The following FAM107B variants were observed in gnomAD, a reference collection of about 807,000 sequenced individuals.
FAM107B encodes protein FAM107B.
FAM107B carries 21 observed loss-of-function variants against 31.5 expected under a neutral mutation model. The observed-to-expected ratio is 0.67, with a 90% CI of 0.47 to 0.96. The LOEUF is 0.96. FAM107B is among the 40% of genes least tolerant of loss of function. The pLI is 0.00. For missense variants in FAM107B, 452 were observed against 377.1 expected (o/e 1.20, Z -1.64); for synonymous variants, 157 against 141.5 (o/e 1.11, Z -0.78).
chr10:14,748,685 C>G (rs1832772148), intron 1 of FAM107B, among the ~76,000 whole-genome samples: 1 of 152,248 alleles, frequency 6.6e-6, no homozygotes, highest in Non-Finnish European at 1.5e-5. Flanking sequence ...AAAGTTGCAG[C>G]AGAGCGGTCA....
intron 1 of FAM107B, among the ~76,000 whole-genome samples, chr10:14,710,543 C>T (rs926482030): frequency 1.3e-5 from 2 of 151,610 alleles, no homozygotes; most frequent in East Asian, 3.9e-4. Flanking sequence ...TTATTTATTG[C>T]ATAATGACAT....
intron 2 of FAM107B, among the ~76,000 whole-genome samples, chr10:14,549,202 G>A (rs1849025786): frequency 6.6e-6 from 1 of 152,182 alleles, no homozygotes; most frequent in Non-Finnish European, 1.5e-5. Flanking sequence ...TGTGGCATCT[G>A]TTATGGCAGC....
At chr10:14,672,567 A>G (rs1181311966) in intron 1 of FAM107B, among the ~76,000 whole-genome samples, 2 of 152,232 alleles carry the variant, frequency 1.3e-5, no homozygotes, top group African/African-American at 2.4e-5. Flanking sequence ...GTAAAAAGAT[A>G]GTTTATAACC....
intron 3 of FAM107B, 47 bp downstream of exon 3, chr10:14,530,285 C>T: frequency 3.9e-6 from 6 of 1,546,446 alleles, no homozygotes; most frequent in Non-Finnish European, 4.4e-6. Flanking sequence ...ATATCATGAT[C>T]TTAAAAGTCC....
rs747126239 is a variant in FAM107B at position 14,530,329 on chromosome 10, T to C, written c.653+3A>G. On this transcript the variant is annotated splice_donor_region_variant and intron_variant, in intron 3 of 4. Transcript: ENST00000181796. ...AAAAAATATGCTCAAGAAACCATTT[T>C]ACCTTTTTTGATTCATAAGAAGTTC... 3.1e-6 allele frequency: 5 copies of C among 1,602,360 alleles called. No individual in the cohort carries two copies. In the South Asian group the frequency reaches 4.6e-5, roughly 15 times the overall value.
intron 1 of FAM107B, among the ~76,000 whole-genome samples, chr10:14,699,281 G>A (rs921755389): frequency 1.6e-4 from 24 of 152,158 alleles, no homozygotes; most frequent in Admixed American, 6.5e-4. Flanking sequence ...TATAGATGTG[G>A]AGAAGGAGAT....
intron 2 of FAM107B, among the ~76,000 whole-genome samples, chr10:14,596,760 C>T (rs1013328782): frequency 1.1e-4 from 16 of 152,132 alleles, no homozygotes; most frequent in African/African-American, 3.6e-4. Context: ...GCACACCCGA[C>T]GCCCTGCCTC....
chr10:14,548,277 G>A (rs2131037047), intron 2 of FAM107B, among the ~76,000 whole-genome samples: 1 of 152,244 alleles, frequency 6.6e-6, no homozygotes, highest in East Asian at 1.9e-4. Context: ...GCACCCGAGG[G>A]TCAACAACTG....
intron 1 of FAM107B, among the ~76,000 whole-genome samples, chr10:14,750,494 C>T (rs1330413473): frequency 6.6e-6 from 1 of 152,138 alleles, no homozygotes; most frequent in African/African-American, 2.4e-5. Context: ...CACCTGTAAT[C>T]CCAGCTACTC....
At chr10:14,679,711 G>A (rs569482082) in intron 1 of FAM107B, among the ~76,000 whole-genome samples, 6 of 152,268 alleles carry the variant, frequency 3.9e-5, no homozygotes, top group East Asian at 1.9e-4. Context: ...GTATTGTCCC[G>A]GGGTGTGTCT....
At chr10:14,627,720 C>T (rs1390563608) in intron 2 of FAM107B, among the ~76,000 whole-genome samples, 3 of 152,024 alleles carry the variant, frequency 2.0e-5, no homozygotes, top group South Asian at 2.1e-4. Context: ...CTGCAGTGAG[C>T]GAGGATCACA....
intron 2 of FAM107B, among the ~76,000 whole-genome samples, chr10:14,564,835 G>T (rs1488444174): frequency 6.6e-6 from 1 of 152,174 alleles, no homozygotes; most frequent in Non-Finnish European, 1.5e-5. Context: ...AATATCTCAA[G>T]AACAGGAATC....
At chr10:14,674,858 C>G (rs1854643780) in intron 1 of FAM107B, among the ~76,000 whole-genome samples, 1 of 152,160 alleles carries the variant, frequency 6.6e-6, no homozygotes, top group South Asian at 2.1e-4. Flanking sequence ...CCTCAGCCTC[C>G]TGAGAAGCTG....
At chr10:14,641,074 T>G (rs1243184784) in intron 2 of FAM107B, among the ~76,000 whole-genome samples, 1 of 152,202 alleles carries the variant, frequency 6.6e-6, no homozygotes, top group Non-Finnish European at 1.5e-5. Context: ...AGAGATTACT[T>G]TAGCAGCTTT....
At chr10:14,644,397 G>A (rs868175628) in intron 2 of FAM107B, among the ~76,000 whole-genome samples, 14 of 152,116 alleles carry the variant, frequency 9.2e-5, no homozygotes, top group African/African-American at 3.4e-4. Context: ...CAAACCAGAG[G>A]TTGAGCTGGG....
chr10:14,714,492 G>A (rs1278194607), intron 1 of FAM107B, among the ~76,000 whole-genome samples: 1 of 152,210 alleles, frequency 6.6e-6, no homozygotes, highest in Non-Finnish European at 1.5e-5. Context: ...TCACTGACAG[G>A]CTCAAAAGGC....
At chr10:14,576,245 T>C (rs895557892) in intron 2 of FAM107B, among the ~76,000 whole-genome samples, 13 of 152,202 alleles carry the variant, frequency 8.5e-5, no homozygotes, top group Non-Finnish European at 1.5e-4. Context: ...AGCCACTGAG[T>C]TGGCCACGTG....
At chr10:14,636,949 G>A (rs1364954419) in intron 2 of FAM107B, among the ~76,000 whole-genome samples, 1 of 152,088 alleles carries the variant, frequency 6.6e-6, no homozygotes. Context: ...TTTGCCAGAT[G>A]TCCTGGAGGA....
At chr10:14,556,481 G>T in intron 2 of FAM107B, 2 of 922,476 alleles carry the variant, frequency 2.2e-6, no homozygotes, top group Non-Finnish European at 1.3e-6. Flanking sequence ...TATTTGTCAA[G>T]CCCCGACCTA....
Sources: gnomAD v4.1 joint callset for allele counts (sites outside exome capture counted in the v4.1 genomes callset) on GRCh38, gnomAD v4.1.1 for gene constraint, MANE v1.5 for transcripts, NCBI Gene and HGNC (gene_info 2026-07-23, HGNC 2026-07-21) for gene names.